The following RAD51B variants were observed in gnomAD, a reference collection of about 807,000 sequenced individuals.
RAD51B encodes DNA repair protein RAD51 homolog 2.
A neutral mutation model predicts 42.2 loss-of-function variants in RAD51B; 38 were observed. The ratio of observed to expected loss-of-function variants is 0.90; its 90% CI spans 0.70 to 1.18. RAD51B has a LOEUF of 1.18. RAD51B is among the 50% of genes most tolerant of loss of function. The pLI, the probability that RAD51B is intolerant of heterozygous loss-of-function variation, is 0.00. For missense variants in RAD51B, 373 were observed against 400.7 expected (o/e 0.93, Z 0.59); for synonymous variants, 154 against 145.2 (o/e 1.06, Z -0.43).
At chr14:68,464,765 A>G (rs1013344104) in intron 9 of RAD51B, among the ~76,000 whole-genome samples, 1 of 152,236 alleles carries the variant, frequency 6.6e-6, no homozygotes, top group Non-Finnish European at 1.5e-5. Context: ...TCACTCTGGA[A>G]GTTCTTTTCC....
chr14:68,372,615 A>G (rs970011275), intron 8 of RAD51B, among the ~76,000 whole-genome samples: 3 of 152,152 alleles, frequency 2.0e-5, no homozygotes, highest in Non-Finnish European at 2.9e-5. Context: ...TCCTGGAGAG[A>G]AACAGAAAAG....
At chr14:68,458,517 G>C (rs1161798649) in intron 9 of RAD51B, among the ~76,000 whole-genome samples, 1 of 151,820 alleles carries the variant, frequency 6.6e-6, no homozygotes, top group Non-Finnish European at 1.5e-5. Flanking sequence ...TTATACTTTG[G>C]GAACTTGATG....
chr14:68,259,287 A>T (rs1262753346), intron 7 of RAD51B, among the ~76,000 whole-genome samples: 4 of 123,448 alleles, frequency 3.2e-5, no homozygotes, highest in Non-Finnish European at 6.5e-5. Flanking sequence ...AACATCACAC[A>T]CCGGGGACTG....
chr14:68,009,406 A>G (rs1188694078), intron 7 of RAD51B, among the ~76,000 whole-genome samples: 2 of 151,924 alleles, frequency 1.3e-5, no homozygotes, highest in African/African-American at 4.8e-5. Flanking sequence ...CAGCACTATC[A>G]TTCATCACTT....
At chr14:68,604,895 T>A (rs531911111) in intron 10 of RAD51B, among the ~76,000 whole-genome samples, 1 of 152,240 alleles carries the variant, frequency 6.6e-6, no homozygotes, top group Admixed American at 6.5e-5. Flanking sequence ...GAGTGACACT[T>A]TGGACAGGTC....
In RAD51B at chr14:67,849,028, T is replaced by A. The variant is rs1486133372; in HGVS notation, c.315+13832T>A. Among the ~76,000 whole-genome samples, 3 of 152,340 alleles carry A rather than the reference T, an allele frequency of 2.0e-5. No individual in the cohort carries two copies. In the East Asian group the frequency reaches 5.8e-4, roughly 29 times the overall value. Reference sequence around the variant, plus strand: ...TCCTTCAAGACTTTTTTCTTTTGCATTGACCTCGTTGAATGTCTGTGTGCC... The same window carrying A: ...TCCTTCAAGACTTTTTTCTTTTGCAATGACCTCGTTGAATGTCTGTGTGCC... On this transcript the variant is annotated intron_variant, in intron 4 of 10. Transcript: ENST00000471583.
At chr14:67,893,236 G>C (rs2043273712) in intron 7 of RAD51B, among the ~76,000 whole-genome samples, 1 of 151,972 alleles carries the variant, frequency 6.6e-6, no homozygotes, top group Non-Finnish European at 1.5e-5. Flanking sequence ...GGTGATATTA[G>C]GAGAAGCTGG....
chr14:68,580,038 C>T (rs939316170), intron 10 of RAD51B, among the ~76,000 whole-genome samples: 4 of 152,216 alleles, frequency 2.6e-5, no homozygotes, highest in Non-Finnish European at 4.4e-5. Context: ...CATGGAGCTT[C>T]GAAGGGGACT....
chr14:68,062,832 G>GA (rs1279926030), intron 7 of RAD51B, among the ~76,000 whole-genome samples: 4,946 of 124,252 alleles, frequency 0.04, 316 homozygotes, highest in African/African-American at 0.14. Context: ...AAAAAAAAAA[G>GA]AAAAAAAAAA....
intron 7 of RAD51B, among the ~76,000 whole-genome samples, chr14:67,981,531 A>G (rs547933386): frequency 5.1e-4 from 77 of 152,362 alleles, no homozygotes; most frequent in Admixed American, 5.0e-3. Flanking sequence ...AGCCTTATTT[A>G]TAATAGCCAA....
At chr14:68,613,147 G>A (rs935133958), downstream of RAD51B, among the ~76,000 whole-genome samples, 12 of 152,314 alleles carry the variant, frequency 7.9e-5, no homozygotes, top group South Asian at 6.2e-4. Context: ...CAGGCGTGGT[G>A]GCTCACGCCT....
At chr14:67,863,919 A>G (rs2042239774) in intron 4 of RAD51B, among the ~76,000 whole-genome samples, 2 of 152,202 alleles carry the variant, frequency 1.3e-5, no homozygotes, top group Non-Finnish European at 2.9e-5. Context: ...GGGAGGCCTC[A>G]GGAAACTTAC....
intron 9 of RAD51B, among the ~76,000 whole-genome samples, chr14:68,456,492 G>A (rs2085689665): frequency 6.6e-6 from 1 of 152,122 alleles, no homozygotes; most frequent in Admixed American, 6.5e-5. Context: ...AACAAAAAAA[G>A]AGACATTTTA....
intron 7 of RAD51B, among the ~76,000 whole-genome samples, chr14:68,040,012 A>T (rs911697571): frequency 9.2e-5 from 14 of 152,184 alleles, no homozygotes; most frequent in African/African-American, 2.7e-4. Flanking sequence ...GGTAGTTTAG[A>T]TTGGTTAATG....
intron 10 of RAD51B, chr14:68,540,336 A>G (rs188976146): frequency 9.5e-7 from 1 of 1,050,324 alleles, no homozygotes; most frequent in East Asian, 5.4e-5. Context: ...GACCTCTTCT[A>G]GCTACGAATC....
intron 7 of RAD51B, among the ~76,000 whole-genome samples, chr14:68,012,405 AT>A (rs1390858863): frequency 2.0e-5 from 3 of 151,728 alleles, no homozygotes; most frequent in African/African-American, 7.3e-5. Context: ...GTTTTAAGTG[AT>A]TGTAACAAAC....
intron 10 of RAD51B, chr14:68,540,205 A>T: frequency 3.9e-6 from 3 of 770,210 alleles, no homozygotes; most frequent in Non-Finnish European, 4.7e-6. Flanking sequence ...TACAGGATCT[A>T]GAGAATTCAA....
chr14:68,600,713 C>T (rs114949214), downstream of RAD51B, among the ~76,000 whole-genome samples: 703 of 152,252 alleles, frequency 4.6e-3, 9 homozygotes, highest in African/African-American at 0.016. Context: ...TTTATAAAGG[C>T]CTTTGTCCAG....
chr14:67,877,443 T>G (rs1040497826), intron 5 of RAD51B, among the ~76,000 whole-genome samples: 5 of 152,142 alleles, frequency 3.3e-5, no homozygotes, highest in African/African-American at 1.2e-4. Context: ...ATCCAAGTAG[T>G]GTTTTCATTC....
Sources: allele counts gnomAD v4.1 joint callset (sites outside exome capture counted in the v4.1 genomes callset), GRCh38; gene constraint gnomAD v4.1.1; transcripts MANE v1.5; gene names NCBI Gene and HGNC (gene_info 2026-07-23, HGNC 2026-07-21).